NPAS3: variants seen among roughly 807,000 people sequenced by gnomAD.
NPAS3 encodes the protein neuronal PAS domain protein 3, also known as neuronal PAS domain-containing protein 3.
A neutral mutation model predicts 73.1 loss-of-function variants in NPAS3; 14 were observed. That is an observed-to-expected ratio of 0.19 (90% CI 0.13 to 0.30). The LOEUF is 0.30. Among genes scored for constraint, NPAS3 ranks in the 10% least tolerant of loss-of-function variants. The pLI, the probability that NPAS3 is intolerant of heterozygous loss-of-function variation, is 1.00. For missense variants in NPAS3, 1,096 were observed against 1,250.0 expected, an observed-to-expected ratio of 0.88 and a Z score of 1.86; for synonymous variants, 620 against 541.5, an observed-to-expected ratio of 1.14 and a Z score of -2.01.
At chr14:33,226,828 C>T (rs955548686) in intron 3 of NPAS3, among the ~76,000 whole-genome samples, 4 of 152,114 alleles carry the variant, frequency 2.6e-5, no homozygotes, top group African/African-American at 4.8e-5. Flanking sequence ...ATATTATTTA[C>T]GTATAATTTT....
intron 3 of NPAS3, among the ~76,000 whole-genome samples, chr14:33,258,552 A>C (rs1291340567): frequency 6.6e-6 from 1 of 152,220 alleles, no homozygotes; most frequent in Non-Finnish European, 1.5e-5. Context: ...GGCTATGGAA[A>C]GCTGAAGAAA....
chr14:33,380,742 T>C (rs573371613), intron 4 of NPAS3, among the ~76,000 whole-genome samples: 3 of 152,182 alleles, frequency 2.0e-5, no homozygotes, highest in Non-Finnish European at 2.9e-5. Flanking sequence ...AACTAATGAT[T>C]GGACTGCCCT....
chr14:32,996,662 G>A (rs924008074), intron 1 of NPAS3, among the ~76,000 whole-genome samples: 1 of 152,186 alleles, frequency 6.6e-6, no homozygotes, highest in Non-Finnish European at 1.5e-5. Flanking sequence ...CTTGCATGTG[G>A]TGTTGAGCCT....
intron 4 of NPAS3, among the ~76,000 whole-genome samples, chr14:33,412,580 TCCAAGGTGATTTA>T (rs745900339): frequency 2.0e-5 from 3 of 152,194 alleles, no homozygotes; most frequent in Non-Finnish European, 4.4e-5. Flanking sequence ...CCAAATTTAT[TCCAAGGTGATTTA>T]CCAGTTTGAA....
chr14:33,177,071 T>TTATTA (rs2045614827), intron 2 of NPAS3, among the ~76,000 whole-genome samples: 4,439 of 138,318 alleles, frequency 0.032, 172 homozygotes, highest in East Asian at 0.098. Flanking sequence ...TGTTTATCTT[T>TTATTA]TTATTATTAT....
intron 3 of NPAS3, among the ~76,000 whole-genome samples, chr14:33,265,603 C>T (rs140634410): frequency 8.9e-4 from 135 of 152,222 alleles, no homozygotes; most frequent in African/African-American, 3.1e-3. Flanking sequence ...TGAATTCTCA[C>T]ACCAGTACTA....
chr14:33,053,458 G>A (rs1471156596), intron 1 of NPAS3, among the ~76,000 whole-genome samples: 5 of 152,174 alleles, frequency 3.3e-5, no homozygotes, highest in African/African-American at 9.7e-5. Flanking sequence ...GTGACAGGAA[G>A]GGAAGGGAAT....
At chr14:33,310,341 C>G (rs144699720) in intron 3 of NPAS3, among the ~76,000 whole-genome samples, 29 of 151,970 alleles carry the variant, frequency 1.9e-4, no homozygotes, top group Middle Eastern at 6.8e-3. Flanking sequence ...AACTGTTTAT[C>G]CTTGGTGCCA....
At chr14:33,419,813 G>C (rs2048300277) in intron 4 of NPAS3, among the ~76,000 whole-genome samples, 1 of 151,884 alleles carries the variant, frequency 6.6e-6, no homozygotes, top group Non-Finnish European at 1.5e-5. Flanking sequence ...CTGAAATAAT[G>C]AGAGGCTGTG....
rs149790472 is a variant in NPAS3 at position 33,107,874 on chromosome 14, G to A, written c.140+51880G>A. Among the ~76,000 whole-genome samples the A allele has an allele frequency of 3.9e-5, 6 of 152,192 alleles. No individual in the cohort carries two copies. The East Asian group carries it at 5.8e-4, about 15-fold the overall frequency. ...GGTATTGTGTTGGTAAACAGTAAGC[G>A]GTAGAAACAATGGTGATAACATAGA... is the stretch of plus-strand genomic sequence containing the variant. On this transcript the variant is annotated intron_variant, in intron 2 of 11. Coordinates refer to ENST00000356141, the Ensembl canonical transcript of NPAS3.
chr14:33,746,296 C>T (rs1162915025), intron 7 of NPAS3, among the ~76,000 whole-genome samples: 2 of 151,708 alleles, frequency 1.3e-5, no homozygotes, highest in African/African-American at 4.8e-5. Context: ...TCAAGCGATT[C>T]TCCTGCCTCA....
intron 6 of NPAS3, among the ~76,000 whole-genome samples, chr14:33,706,161 C>T (rs2140471506): frequency 6.6e-6 from 1 of 152,304 alleles, no homozygotes; most frequent in African/African-American, 2.4e-5. Flanking sequence ...TCCTCTCAGC[C>T]TCCTACATTT....
At chr14:32,953,656 G>A (rs2036571184) in intron 1 of NPAS3, among the ~76,000 whole-genome samples, 1 of 152,060 alleles carries the variant, frequency 6.6e-6, no homozygotes, top group Non-Finnish European at 1.5e-5. Context: ...ATGCCGGGTC[G>A]GAGATGAAGG....
At chr14:33,695,146 C>T (rs1389396339) in intron 6 of NPAS3, among the ~76,000 whole-genome samples, 2 of 152,278 alleles carry the variant, frequency 1.3e-5, no homozygotes, top group East Asian at 1.9e-4. Context: ...CTTTTTGATT[C>T]CTAACTCTGC....
At chr14:33,784,908 G>A (rs1366624359) in intron 9 of NPAS3, among the ~76,000 whole-genome samples, 6 of 149,862 alleles carry the variant, frequency 4.0e-5, no homozygotes, top group Admixed American at 2.0e-4. Flanking sequence ...GCGCCACCAC[G>A]CCCGGCTAAT....
intron 2 of NPAS3, among the ~76,000 whole-genome samples, chr14:33,138,343 T>C (rs770886581): frequency 6.6e-6 from 1 of 152,128 alleles, no homozygotes; most frequent in Non-Finnish European, 1.5e-5. Context: ...TCTTTTACTA[T>C]AAGTGCCTAT....
At chr14:33,082,430 C>G (rs1347878381) in intron 2 of NPAS3, among the ~76,000 whole-genome samples, 1 of 152,192 alleles carries the variant, frequency 6.6e-6, no homozygotes, top group Non-Finnish European at 1.5e-5. Flanking sequence ...TTTGCTGACT[C>G]TGTCCAGTTT....
intron 2 of NPAS3, among the ~76,000 whole-genome samples, chr14:33,100,189 G>C (rs2042541976): frequency 6.6e-6 from 1 of 152,150 alleles, no homozygotes; most frequent in South Asian, 2.1e-4. Flanking sequence ...CCTCTATCTA[G>C]ATCACTTCTG....
At chr14:33,189,966 A>T (rs780481726) in intron 2 of NPAS3, among the ~76,000 whole-genome samples, 6 of 152,080 alleles carry the variant, frequency 3.9e-5, no homozygotes, top group Admixed American at 1.3e-4. Flanking sequence ...CGGATGAGGG[A>T]TTTGCCTCCT....
Sources: allele counts gnomAD v4.1 joint callset (sites outside exome capture counted in the v4.1 genomes callset), GRCh38; gene constraint gnomAD v4.1.1; transcripts MANE v1.5; gene names NCBI Gene and HGNC (gene_info 2026-07-23, HGNC 2026-07-21).